Variants in FYCO1 observed in about 807,000 individuals in gnomAD.
FYCO1 encodes the protein FYVE and coiled-coil domain-containing protein 1.
FYCO1 carries 122 observed loss-of-function variants against 165.1 expected under a neutral mutation model. That is an observed-to-expected ratio of 0.74 (90% CI 0.64 to 0.86). The LOEUF (loss-of-function observed/expected upper bound fraction) is 0.86, where lower values mean the gene tolerates loss of function less well. Among genes scored for constraint, FYCO1 ranks in the 40% least tolerant of loss-of-function variants. The probability of loss-of-function intolerance (pLI) is 0.00; values close to 1 mark genes in which losing one functional copy is unlikely to be tolerated. For missense variants in FYCO1, 1,702 were observed against 1,810.3 expected (o/e 0.94, Z 1.09); for synonymous variants, 648 against 742.5 (o/e 0.87, Z 2.07).
chr3:45,959,294 T>G, intron 12 of FYCO1, 99 bp downstream of exon 12: 1 of 1,310,094 alleles, frequency 7.6e-7, no homozygotes, highest in Admixed American at 1.7e-5. Flanking sequence ...TAGTCAGCCA[T>G]GGTGCCAACA....
intron 1 of FYCO1, among the ~76,000 whole-genome samples, chr3:45,987,393 A>G (rs1457112361): frequency 1.3e-5 from 2 of 151,974 alleles, no homozygotes; most frequent in African/African-American, 4.8e-5. Flanking sequence ...GAGCATTGGG[A>G]TGAATTTATA....
At position 45,964,268 on chromosome 3, in the gene FYCO1, TA is replaced by T; in HGVS notation, c.3269+67del. 2 of 1,237,700 alleles carry T rather than the reference TA, an allele frequency of 1.6e-6. No homozygotes were observed. Among genetic ancestry groups the T allele is most frequent in the Non-Finnish European group, 2.4e-6 (2 of 837,372 alleles). The allele number at this position is 1,237,700 out of a possible 1,614,324, so 76.7% of individuals were successfully genotyped here. ...AACCTAATATGAGTGACTGACTTTC[TA>T]AATGACGAGACCAAACACTCCTTCC... On this transcript the variant is annotated intron_variant, in intron 10 of 17. Coordinates refer to ENST00000296137, the MANE Select transcript of FYCO1 (RefSeq NM_024513.4). The surrounding 1 kb of genome is among the most constrained non-coding windows in gnomAD (Gnocchi z 4.1).
chr3:45,968,756 AT>A, intron 7 of FYCO1, 53 bp from the exon 8 acceptor site: 1 of 1,608,908 alleles, frequency 6.2e-7, no homozygotes, highest in South Asian at 1.1e-5. Context: ...CTACAGGGCT[AT>A]TTAGAAAAGC....
Position 45,936,461 on chromosome 3 carries a change from ACTTCAG to A in FYCO1, c.4021_4026del (p.Leu1341_Lys1342del). On this transcript the variant is annotated inframe_deletion, in exon 15 of 18. Transcript: ENST00000296137. ...GTTGCCACTTACATCAGTTCTCCAG[ACTTCAG>A]CAGGCAGATTTCCGAATCCTGCCCC... is the stretch of plus-strand genomic sequence containing the variant. 3 of 1,613,446 alleles carry A rather than the reference ACTTCAG, an allele frequency of 1.9e-6. No homozygotes were observed.
chr3:45,939,073 G>A (rs1265476760), intron 14 of FYCO1, among the ~76,000 whole-genome samples: 1 of 152,184 alleles, frequency 6.6e-6, no homozygotes, highest in Non-Finnish European at 1.5e-5. Context: ...TCTGGTCATG[G>A]CAGCCTACTG....
At chr3:45,990,513 T>C (rs1031116684) in intron 1 of FYCO1, among the ~76,000 whole-genome samples, 2 of 152,210 alleles carry the variant, frequency 1.3e-5, no homozygotes, top group Admixed American at 6.5e-5. Flanking sequence ...TATGCTTCTG[T>C]GGCTTCTGGG....
At chr3:45,989,538 G>A (rs1034866030) in intron 1 of FYCO1, among the ~76,000 whole-genome samples, 1 of 152,216 alleles carries the variant, frequency 6.6e-6, no homozygotes, top group Non-Finnish European at 1.5e-5. Flanking sequence ...TTCAGCACAC[G>A]TGAACAAAGA....
At chr3:45,975,414 A>G (rs1326723052) in intron 4 of FYCO1, 69 bp from the exon 5 acceptor site, 1 of 1,215,448 alleles carries the variant, frequency 8.2e-7, no homozygotes, top group African/African-American at 1.5e-5. Context: ...CTGGTCTCAT[A>G]GATGGCTTGT....
Position 45,981,674 on chromosome 3 carries a change from C to A in FYCO1, c.58G>T (p.Ala20Ser). The A allele has an allele frequency of 1.2e-6, 2 of 1,604,702 alleles. No homozygotes were observed. Among genetic ancestry groups the A allele is most frequent in the Non-Finnish European group, 1.7e-6 (2 of 1,171,376 alleles). Residue 20 changes from alanine to serine, a missense_variant and splice_region_variant, in exon 3 of 18, where the codon GCT becomes TCT. Transcript: ENST00000296137. ...AATTCTTTGCTTAGTTCTGTCACAGCATCTTTAAGACAACAAATAGGAACA... is the reference window on the plus strand; with the variant it reads ...AATTCTTTGCTTAGTTCTGTCACAGAATCTTTAAGACAACAAATAGGAACA... ...LQRIIRDLQD[A>S]VTELSKEFQE...
intron 1 of FYCO1, among the ~76,000 whole-genome samples, chr3:45,985,576 G>A (rs983832794): frequency 2.6e-5 from 4 of 152,164 alleles, no homozygotes; most frequent in Admixed American, 2.6e-4. Flanking sequence ...GCCTGGCAGG[G>A]TCCCCTTCGT....
chr3:45,974,974 G>C (rs1706663178), intron 5 of FYCO1, among the ~76,000 whole-genome samples: 2 of 152,316 alleles, frequency 1.3e-5, no homozygotes, highest in African/African-American at 2.4e-5. Flanking sequence ...CTGGTATCGG[G>C]AGTTAAGAGA....
rs753015266 is a variant in FYCO1 at position 45,955,365 on chromosome 3, G to T, written c.3828C>A (p.Asp1276Glu). The change falls in exon 14 of 18, where the codon GAC (aspartate) becomes GAA (glutamate). Residue 1276 changes from aspartate to glutamate, a missense_variant. By Grantham distance (45) the Asp-to-Glu change is conservative (BLOSUM62 2). Coordinates refer to ENST00000296137, the MANE Select transcript of FYCO1 (RefSeq NM_024513.4). ...CTGTGATGATATCAAACACAGCGTC[G>T]TCCGGTGGCCTGTAGTCTGTATTTG... Reference protein sequence around the residue: ...QGANTDYRPPDDAVFDIITDE... With the variant: ...QGANTDYRPPEDAVFDIITDE... 1.2e-6 allele frequency: 2 copies of T among 1,614,022 alleles called. No individual in the cohort carries two copies. Among genetic ancestry groups the T allele is most frequent in the Non-Finnish European group, 1.7e-6 (2 of 1,180,046 alleles).
intron 15 of FYCO1, among the ~76,000 whole-genome samples, chr3:45,934,468 G>A (rs1282813333): frequency 6.6e-6 from 1 of 152,226 alleles, no homozygotes; most frequent in Non-Finnish European, 1.5e-5. Flanking sequence ...AACCATGGAG[G>A]CCAGAGGGAA....
intron 3 of FYCO1, among the ~76,000 whole-genome samples, chr3:45,980,777 C>G (rs187843461): frequency 6.6e-6 from 1 of 152,212 alleles, no homozygotes; most frequent in East Asian, 1.9e-4. Flanking sequence ...ATTACAGAAG[C>G]AAGATATGCG....
chr3:45,974,747 C>T (rs1263712646), intron 5 of FYCO1, among the ~76,000 whole-genome samples: 2 of 152,162 alleles, frequency 1.3e-5, no homozygotes, highest in African/African-American at 2.4e-5. Flanking sequence ...CAGCACTACC[C>T]GCACAAAGGC....
chr3:45,950,626 G>A (rs949624406), intron 14 of FYCO1, among the ~76,000 whole-genome samples: 2 of 152,134 alleles, frequency 1.3e-5, no homozygotes, highest in Non-Finnish European at 2.9e-5. Flanking sequence ...GTTGGTCCCT[G>A]GTAACTAATG....
intron 14 of FYCO1, chr3:45,947,526 C>T (rs371002459): frequency 2.1e-5 from 34 of 1,599,978 alleles, no homozygotes; most frequent in African/African-American, 2.0e-4. Context: ...GCCAGGGTTT[C>T]GAGAAGCTGC....
chr3:45,969,677 G>A lies in FYCO1; in HGVS notation c.628C>T (p.Gln210Ter), dbSNP rs967360521. 1.9e-6 allele frequency: 3 copies of A among 1,613,118 alleles called. No individual in the cohort carries two copies. The highest frequency in any genetic ancestry group is 2.5e-6 in the Non-Finnish European group (3 of 1,179,152). ...SMSSLVSSYLQTQEMVSNFDL... is the reference protein window; with the variant it reads ...SMSSLVSSYL ...ATTCCCAGCCTTCCTGGCCTTACCT[G>A]CAGGTAGCTGCTCACCAAGCTGCTC... Residue 210 changes from glutamine to a stop codon, truncating the protein, a stop_gained and splice_region_variant, in exon 7 of 18, where the codon CAG becomes TAG. Coordinates refer to ENST00000296137, the MANE Select transcript of FYCO1 (RefSeq NM_024513.4). LOFTEE classifies it high-confidence loss of function.
rs1327222764 is a variant in FYCO1, at chr3:45,981,725, G to A, written c.56-49C>T. 3.1e-6 allele frequency: 4 copies of A among 1,273,238 alleles called. No homozygotes were observed. In the South Asian group the frequency reaches 4.7e-5, roughly 15 times the overall value. The allele number at this position is 1,273,238 out of a possible 1,614,324, so 78.9% of individuals were successfully genotyped here. A position where few individuals can be genotyped will look rare whatever the true frequency, so the allele number is the denominator to read the frequency against. On this transcript the variant is annotated intron_variant, in intron 2 of 17. Coordinates refer to ENST00000296137, the MANE Select transcript of FYCO1 (RefSeq NM_024513.4). ...TGTAACCAGATAGTGACTAAACTCA[G>A]ACAGAGAAGCAGAAATAATCCAGGA...
Sources: allele counts gnomAD v4.1 joint callset (sites outside exome capture counted in the v4.1 genomes callset), GRCh38; gene constraint gnomAD v4.1.1; non-coding constraint Gnocchi (gnomAD v3.1); transcripts MANE v1.5; gene names NCBI Gene and HGNC (gene_info 2026-07-23, HGNC 2026-07-21).